Variants in ATP8A1 observed in about 807,000 individuals in gnomAD.
The protein encoded by ATP8A1 is phospholipid-transporting ATPase IA.
In ATP8A1, 90 loss-of-function variants were observed where a neutral mutation model predicts 177.7. The observed-to-expected ratio is 0.51, with a 90% CI of 0.43 to 0.60. The LOEUF (loss-of-function observed/expected upper bound fraction) is 0.60. ATP8A1 is among the 20% of genes least tolerant of loss of function. The pLI is 0.00. For synonymous variants in ATP8A1, 493 were observed against 485.9 expected (o/e 1.01, Z -0.19); for missense variants, 1,072 against 1,392.8 (o/e 0.77, Z 3.67).
intron 1 of ATP8A1, among the ~76,000 whole-genome samples, chr4:42,654,302 C>A (rs1182356218): frequency 6.6e-6 from 1 of 152,196 alleles, no homozygotes; most frequent in Non-Finnish European, 1.5e-5. Context: ...ACTATTTATT[C>A]CCTCTTTAAG....
chr4:42,631,352 T>A (rs557778564), intron 1 of ATP8A1, among the ~76,000 whole-genome samples: 9 of 152,286 alleles, frequency 5.9e-5, no homozygotes, highest in African/African-American at 2.2e-4. Flanking sequence ...CAAACAACAA[T>A]TAGTAAATTT....
chr4:42,490,086 A>C (rs1039474807), intron 24 of ATP8A1, among the ~76,000 whole-genome samples: 3 of 152,152 alleles, frequency 2.0e-5, no homozygotes, highest in African/African-American at 7.2e-5. Context: ...CAGGCAAGGG[A>C]GGGAGCCACA....
At chr4:42,556,453 G>C (rs1181310299) in intron 15 of ATP8A1, among the ~76,000 whole-genome samples, 2 of 152,072 alleles carry the variant, frequency 1.3e-5, no homozygotes, top group Non-Finnish European at 2.9e-5. Flanking sequence ...TTTGAGTCAT[G>C]AGAAATCTTT....
At chr4:42,559,985 C>T (rs967703289) in intron 15 of ATP8A1, among the ~76,000 whole-genome samples, 15 of 152,174 alleles carry the variant, frequency 9.9e-5, no homozygotes, top group African/African-American at 2.2e-4. Flanking sequence ...GTATTACAGG[C>T]GTGAGCTACT....
chr4:42,452,343 A>G (rs1432201133), intron 29 of ATP8A1, among the ~76,000 whole-genome samples: 2 of 152,234 alleles, frequency 1.3e-5, no homozygotes, highest in African/African-American at 4.8e-5. Context: ...AAAATTTAAA[A>G]TAAAAAAATG....
intron 20 of ATP8A1, among the ~76,000 whole-genome samples, chr4:42,525,494 A>G (rs1278179090): frequency 1.3e-5 from 2 of 152,192 alleles, no homozygotes; most frequent in Non-Finnish European, 2.9e-5. Flanking sequence ...AAATAGCTGA[A>G]TATTTCTGAT....
At chr4:42,534,907 T>A (rs926827050) in intron 20 of ATP8A1, among the ~76,000 whole-genome samples, 7 of 152,082 alleles carry the variant, frequency 4.6e-5, no homozygotes, top group Non-Finnish European at 1.0e-4. Flanking sequence ...CCAGCGAAAC[T>A]AAGCTTCATA....
At position 42,414,623 on chromosome 4, in the gene ATP8A1, T is replaced by C; in HGVS notation, c.3397+4A>G. ...ATTTAAAAATAAGAAACTCAAATAC[T>C]CACGGAGCAGATTTTGTTGCAAGGA... On this transcript the variant is annotated splice_donor_region_variant and intron_variant, in intron 36 of 36. Transcript: ENST00000381668. 3 of 1,611,720 alleles carry C rather than the reference T, an allele frequency of 1.9e-6. No individual in the cohort carries two copies. In the South Asian group the frequency reaches 3.3e-5, roughly 18 times the overall value.
In ATP8A1 at chr4:42,446,617, G is replaced by A. The variant is rs775087828; in HGVS notation, c.2924C>T (p.Ser975Leu). Residue 975 changes from serine (S) to leucine (L), a missense_variant, in exon 31 of 37, where the codon TCG becomes TTG. This residue lies in a region of ATP8A1 where 316 missense variants were observed against 459.1 expected (regional missense o/e 0.69). Coordinates refer to ENST00000381668, the MANE Select transcript of ATP8A1 (RefSeq NM_006095.2). Reference protein sequence around the residue: ...YGTAFGNGKTSDYLLLGNFVY... With the variant: ...YGTAFGNGKTLDYLLLGNFVY... ...AAAGTTTCCCAGTAGCAGATAATCCGAGGTTTTCCCATTTCCAAATGCAGT... is the reference window on the plus strand; with the variant it reads ...AAAGTTTCCCAGTAGCAGATAATCCAAGGTTTTCCCATTTCCAAATGCAGT... 20 of 1,613,854 alleles carry A rather than the reference G, an allele frequency of 1.2e-5. No individual in the cohort carries two copies. The East Asian group carries it at 2.7e-4, about 22-fold the overall frequency.
intron 1 of ATP8A1, among the ~76,000 whole-genome samples, chr4:42,629,140 G>A (rs892290624): frequency 2.6e-5 from 4 of 152,156 alleles, no homozygotes; most frequent in Non-Finnish European, 5.9e-5. Flanking sequence ...TTGAACTAAA[G>A]GGACTGGAAT....
At chr4:42,437,574 A>G (rs916764782) in intron 33 of ATP8A1, among the ~76,000 whole-genome samples, 1 of 152,102 alleles carries the variant, frequency 6.6e-6, no homozygotes. Flanking sequence ...GCATTTTCCA[A>G]TTGTCTACCT....
rs1478425775 is a variant in ATP8A1, at chr4:42,485,592, A to G, written c.2228T>C (p.Ile743Thr). Reference sequence around the variant, plus strand: ...ATATTTGAGGGTTTTCCCATCAATTATAAGAGCAAAATCATTCTCTTTCCG... The same window carrying G: ...ATATTTGAGGGTTTTCCCATCAATTGTAAGAGCAAAATCATTCTCTTTCCG... ...ALRKENDFAL[I>T]IDGKTLKYAL... Residue 743 changes from isoleucine to threonine, a missense_variant, in exon 25 of 37, where the codon ATA becomes ACA. This residue lies in a region of ATP8A1 where 388 missense variants were observed against 471.7 expected (regional missense o/e 0.82). Transcript: ENST00000381668. 4.3e-6 allele frequency: 7 copies of G among 1,613,658 alleles called. No individual in the cohort carries two copies. In the African/African-American group the frequency reaches 5.3e-5, roughly 12 times the overall value.
intron 15 of ATP8A1, among the ~76,000 whole-genome samples, chr4:42,565,102 T>C (rs995645127): frequency 6.6e-6 from 1 of 152,218 alleles, no homozygotes; most frequent in Non-Finnish European, 1.5e-5. Flanking sequence ...CCCAGCCACA[T>C]GGGACTGTAA....
chr4:42,572,572 G>C (rs1180188888), intron 14 of ATP8A1, among the ~76,000 whole-genome samples: 8 of 152,172 alleles, frequency 5.3e-5, no homozygotes, highest in African/African-American at 1.9e-4. Context: ...TCAAGGTTAA[G>C]GATGCCTAAA....
At chr4:42,593,105 G>A (rs1426445698) in intron 6 of ATP8A1, among the ~76,000 whole-genome samples, 1 of 152,074 alleles carries the variant, frequency 6.6e-6, no homozygotes, top group African/African-American at 2.4e-5. Flanking sequence ...AGGCATGAGA[G>A]ATTAAGCAGT....
chr4:42,477,389 G>A (rs917572286), intron 25 of ATP8A1, among the ~76,000 whole-genome samples: 1 of 152,114 alleles, frequency 6.6e-6, no homozygotes, highest in African/African-American at 2.4e-5. Flanking sequence ...ATGGATCTGG[G>A]ATGGCACACT....
chr4:42,610,032 T>C (rs556972354), intron 5 of ATP8A1, among the ~76,000 whole-genome samples: 8 of 152,242 alleles, frequency 5.3e-5, no homozygotes, highest in Admixed American at 3.9e-4. Flanking sequence ...GTAACGCTCA[T>C]ATTAGTCCTT....
At chr4:42,505,700 CT>C (rs1330401950) in intron 23 of ATP8A1, among the ~76,000 whole-genome samples, 1 of 152,154 alleles carries the variant, frequency 6.6e-6, no homozygotes, top group Non-Finnish European at 1.5e-5. Context: ...GTTAGGCTGA[CT>C]GCTAATACTT....
At position 42,543,988 on chromosome 4, in the gene ATP8A1, TGAAA is replaced by T; in HGVS notation, c.1653-6_1653-3del. On this transcript the variant is annotated splice_region_variant and splice_polypyrimidine_tract_variant and intron_variant, in intron 19 of 36. Coordinates refer to ENST00000381668, the MANE Select transcript of ATP8A1 (RefSeq NM_006095.2). ...ATCACTGACATTCTTTTCCTAGCAC[TGAAA>T]GAAAGAGGTTTTGCATAATGTGTCA... The T allele has an allele frequency of 2.5e-6, 4 of 1,612,766 alleles. No individual in the cohort carries two copies. Among genetic ancestry groups the T allele is most frequent in the East Asian group, 2.2e-5 (1 of 44,814 alleles).
Sources: gnomAD v4.1 joint callset for allele counts (sites outside exome capture counted in the v4.1 genomes callset) on GRCh38, gnomAD v4.1.1 for gene constraint, gnomAD v4.1.1 regional missense constraint, MANE v1.5 for transcripts, NCBI Gene and HGNC (gene_info 2026-07-23, HGNC 2026-07-21) for gene names.